Variants in AKNA observed in about 807,000 individuals in gnomAD.
AKNA encodes AT-hook transcription factor, also known as microtubule organization protein AKNA.
A neutral mutation model predicts 138.8 loss-of-function variants in AKNA; 67 were observed. The ratio of observed to expected loss-of-function variants is 0.48; its 90% CI spans 0.40 to 0.59. AKNA has a LOEUF of 0.59. Ranked by LOEUF, AKNA falls within the 20% of genes least tolerant of loss-of-function variation. AKNA has a pLI of 0.00. For missense variants in AKNA, 1,813 were observed against 1,880.4 expected (o/e 0.96, Z 0.66); for synonymous variants, 737 against 754.4 (o/e 0.98, Z 0.38).
At chr9:114,380,931 C>T (rs1214807475) in intron 2 of AKNA, 129 bp downstream of exon 2, 3 of 1,123,026 alleles carry the variant, frequency 2.7e-6, no homozygotes, top group Admixed American at 3.6e-5. Flanking sequence ...TGTAGTGAGC[C>T]GAGATCGTGC....
rs1423386756 is a variant in AKNA, at chr9:114,346,674, G to C, written c.3509C>G (p.Ser1170Cys). ...SSVPREVLRL[S>C]LSSESELPSL... ...CTTTGCAGGTGGTCACTTACTCAGG[G>C]ACAGTCGGAGCACCTCCCGAGGCAC... is the stretch of plus-strand genomic sequence containing the variant. The change falls in exon 17 of 22, where the codon TCC (serine) becomes TGC (cysteine). Residue 1170 changes from serine (S) to cysteine (C), a missense_variant. Physicochemically the swap from Ser to Cys is moderately radical, Grantham distance 112 (BLOSUM62 -1). Coordinates refer to ENST00000374088, the MANE Select transcript of AKNA (RefSeq NM_001317950.2). The C allele has an allele frequency of 6.2e-7, 1 of 1,607,264 alleles. No individual in the cohort carries two copies. The highest frequency in any genetic ancestry group is 8.5e-7 in the Non-Finnish European group (1 of 1,176,818).
At chr9:114,364,669 G>A in intron 6 of AKNA, 50 bp from the exon 7 acceptor site, 1 of 1,579,888 alleles carries the variant, frequency 6.3e-7, no homozygotes, top group Non-Finnish European at 8.7e-7. Context: ...CAGTCCTGTA[G>A]ACTCCCACAC....
At chr9:114,366,137 G>A (rs902043191) in intron 6 of AKNA, among the ~76,000 whole-genome samples, 4 of 152,084 alleles carry the variant, frequency 2.6e-5, no homozygotes, top group Non-Finnish European at 4.4e-5. Context: ...AAATTAGCCA[G>A]GCATGGTGGC....
chr9:114,349,981 C>G (rs1830990507), intron 15 of AKNA, among the ~76,000 whole-genome samples: 1 of 152,208 alleles, frequency 6.6e-6, no homozygotes, highest in African/African-American at 2.4e-5. Context: ...TGTGCTCCCA[C>G]AGTCCTTTAG....
At chr9:114,371,018 T>TG (rs1031257384) in intron 4 of AKNA, among the ~76,000 whole-genome samples, 1 of 152,036 alleles carries the variant, frequency 6.6e-6, no homozygotes, top group Non-Finnish European at 1.5e-5. Context: ...GAACAGGGGC[T>TG]GGGGGGGAGG....
At chr9:114,342,902 G>A (rs1298462344) in intron 19 of AKNA, among the ~76,000 whole-genome samples, 7 of 152,188 alleles carry the variant, frequency 4.6e-5, no homozygotes, top group South Asian at 4.1e-4. Context: ...AGGCATGAAC[G>A]GAGAGGCCTG....
At position 114,346,014 on chromosome 9, in the gene AKNA, G is replaced by A; in HGVS notation, c.3515-5C>T. On this transcript the variant is annotated splice_polypyrimidine_tract_variant and splice_region_variant and intron_variant, in intron 17 of 21. Transcript: ENST00000374088. Reference sequence around the variant, plus strand: ...AGGGCAGCTCAGATTCTGAACCTGGGGTAGAAAAAGTGGGGCATCAGAGGG... The same window carrying A: ...AGGGCAGCTCAGATTCTGAACCTGGAGTAGAAAAAGTGGGGCATCAGAGGG... 1 of 1,612,588 alleles carries A rather than the reference G, an allele frequency of 6.2e-7. No individual in the cohort carries two copies. The highest frequency in any genetic ancestry group is 8.5e-7 in the Non-Finnish European group (1 of 1,179,150).
intron 14 of AKNA, among the ~76,000 whole-genome samples, chr9:114,353,035 G>A (rs1831241775): frequency 6.6e-6 from 1 of 152,142 alleles, no homozygotes; most frequent in Non-Finnish European, 1.5e-5. Flanking sequence ...GTGAGGTTCT[G>A]GGGTTCAGAT....
intron 6 of AKNA, among the ~76,000 whole-genome samples, chr9:114,365,565 C>T (rs1039675636): frequency 5.9e-5 from 9 of 151,892 alleles, no homozygotes; most frequent in Admixed American, 2.0e-4. Flanking sequence ...ATTATATAAT[C>T]ATATTACATA....
chr9:114,349,037 G>C (rs1193802412), intron 15 of AKNA: 1 of 449,428 alleles, frequency 2.2e-6, no homozygotes, highest in African/African-American at 2.0e-5. Context: ...GGGTTCCCTT[G>C]GTAATCCCCA....
At position 114,377,231 on chromosome 9, in the gene AKNA, G is replaced by A. The variant is rs142805570; in HGVS notation, c.576C>T (p.Ser192=). ...KLSEHSEVNP[S]VELSPARSWS... ...AGGACCTTGCCGGGCTGAGTTCAAC[G>A]GATGGGTTGACCTCGGAATGTTCAG... Residue 192 remains serine (S), a synonymous_variant, in exon 3 of 22, where the codon TCC becomes TCT. Coordinates refer to ENST00000374088, the MANE Select transcript of AKNA (RefSeq NM_001317950.2). The A allele has an allele frequency of 4.2e-5, 68 of 1,614,074 alleles. No individual in the cohort carries two copies. Among genetic ancestry groups the A allele is most frequent in the Admixed American group, 3.3e-4 (20 of 59,996 alleles).
intron 2 of AKNA, among the ~76,000 whole-genome samples, chr9:114,378,985 TA>T (rs900621943): frequency 2.0e-4 from 31 of 152,246 alleles, no homozygotes; most frequent in Admixed American, 1.3e-4. Flanking sequence ...CTACGTCTCT[TA>T]ACCACTTAAC....
intron 3 of AKNA, among the ~76,000 whole-genome samples, chr9:114,375,038 A>G (rs1199852197): frequency 2.0e-5 from 3 of 152,180 alleles, no homozygotes; most frequent in Non-Finnish European, 4.4e-5. Context: ...AAAATCACCA[A>G]CAAGAGAGCA....
intron 2 of AKNA, chr9:114,377,753 G>A: frequency 1.8e-6 from 1 of 568,420 alleles, no homozygotes; most frequent in East Asian, 2.9e-5. Context: ...CCGGTGGATG[G>A]TCCCTCCAGT....
chr9:114,350,551 T>C (rs962696630), intron 15 of AKNA, among the ~76,000 whole-genome samples: 4 of 152,172 alleles, frequency 2.6e-5, no homozygotes, highest in Non-Finnish European at 5.9e-5. Context: ...GCAGAAAAGA[T>C]AGCCCTAGAA....
downstream of AKNA, chr9:114,332,036 G>A: frequency 1.1e-6 from 1 of 902,160 alleles, no homozygotes; most frequent in Non-Finnish European, 1.7e-6. Flanking sequence ...CAGCTAGGCA[G>A]ATCTTCTGCT....
chr9:114,355,131 G>A (rs1456967020), intron 14 of AKNA, among the ~76,000 whole-genome samples: 1 of 148,786 alleles, frequency 6.7e-6, no homozygotes, highest in African/African-American at 2.5e-5. Context: ...GCCTCCCAAA[G>A]TGCTGAGATT....
chr9:114,351,297 T>C (rs1831104641), intron 14 of AKNA, among the ~76,000 whole-genome samples: 1 of 152,176 alleles, frequency 6.6e-6, no homozygotes, highest in South Asian at 2.1e-4. Flanking sequence ...CTTCAGGAAC[T>C]TCCCCTGCAA....
intron 6 of AKNA, among the ~76,000 whole-genome samples, chr9:114,366,014 G>A (rs1053279859): frequency 2.0e-5 from 3 of 152,106 alleles, no homozygotes; most frequent in Non-Finnish European, 4.4e-5. Flanking sequence ...AAAAGGAAAC[G>A]AAGCCTGTAA....
Sources: allele counts gnomAD v4.1 joint callset (sites outside exome capture counted in the v4.1 genomes callset), GRCh38; gene constraint gnomAD v4.1.1; transcripts MANE v1.5; gene names NCBI Gene and HGNC (gene_info 2026-07-23, HGNC 2026-07-21).